The following TUBGCP3 variants were observed in gnomAD, a reference collection of about 807,000 sequenced individuals.
TUBGCP3 encodes the protein gamma-tubulin complex component 3.
TUBGCP3 carries 50 observed loss-of-function variants against 123.1 expected under a neutral mutation model. That is an observed-to-expected ratio of 0.41 (90% confidence interval 0.32 to 0.51). The LOEUF is 0.51. Among genes scored for constraint, TUBGCP3 ranks in the 20% least tolerant of loss-of-function variants. TUBGCP3 has a pLI of 0.36. For synonymous variants in TUBGCP3, 405 were observed against 413.9 expected, an observed-to-expected ratio of 0.98 and a Z score of 0.26; for missense variants, 882 against 1,127.0, an observed-to-expected ratio of 0.78 and a Z score of 3.11.
chr13:112,505,128 T>C (rs1881204988), intron 17 of TUBGCP3, among the ~76,000 whole-genome samples: 1 of 152,202 alleles, frequency 6.6e-6, no homozygotes. Flanking sequence ...GTGACATTTC[T>C]TTAAGGAACC....
intron 11 of TUBGCP3, among the ~76,000 whole-genome samples, chr13:112,533,726 A>G (rs1168178577): frequency 1.3e-5 from 2 of 150,210 alleles, no homozygotes; most frequent in African/African-American, 2.5e-5. Flanking sequence ...ATAAGCCCGC[A>G]TATTACCACA....
upstream of TUBGCP3, among the ~76,000 whole-genome samples, chr13:112,589,014 G>C (rs866399543): frequency 4.6e-5 from 7 of 152,198 alleles, no homozygotes; most frequent in African/African-American, 1.7e-4. Context: ...CAGACTTGTA[G>C]GGTATTACAG....
At chr13:112,534,721 C>A (rs1281299855) in intron 11 of TUBGCP3, among the ~76,000 whole-genome samples, 1 of 152,156 alleles carries the variant, frequency 6.6e-6, no homozygotes, top group Non-Finnish European at 1.5e-5. Flanking sequence ...CAGGAGCTAC[C>A]GTAGCCGGCA....
intron 20 of TUBGCP3, among the ~76,000 whole-genome samples, chr13:112,496,123 TA>T (rs1421825495): frequency 6.6e-6 from 1 of 152,228 alleles, no homozygotes; most frequent in African/African-American, 2.4e-5. Flanking sequence ...GGCAAATAAT[TA>T]AGTACGATCA....
rs1342309511 is a variant in TUBGCP3, at chr13:112,516,476, G to A, written c.2050C>T (p.His684Tyr). ...EYILTDIRKG[H>Y]MCNAKLLRNM... ...CTCAGGAGCTTTGCATTGCACATGT[G>A]TCCCTTCCGTATGTCAGTGAGGATG... Residue 684 changes from histidine (H) to tyrosine (Y), a missense_variant, in exon 17 of 22, where the codon CAC becomes TAC. Physicochemically the swap from His to Tyr is moderately conservative, Grantham distance 83. Transcript: ENST00000261965. The A allele has an allele frequency of 7.4e-6, 12 of 1,612,432 alleles. No homozygotes were observed. The highest frequency in any genetic ancestry group is 1.0e-5 in the Non-Finnish European group (12 of 1,179,458).
At chr13:112,593,696 G>T in the TUBGCP3 span, among the ~76,000 whole-genome samples, 1 of 151,900 alleles carries the variant, frequency 6.6e-6, no homozygotes, top group Non-Finnish European at 1.5e-5. Context: ...AAAAAGATCC[G>T]AATGGCAAAC....
At chr13:112,555,926 A>G (rs970949778) in intron 6 of TUBGCP3, 126 bp downstream of exon 6, 3 of 1,129,410 alleles carry the variant, frequency 2.7e-6, no homozygotes, top group South Asian at 1.9e-5. Flanking sequence ...TCTGGACTTC[A>G]TCATAAGAAC....
At chr13:112,560,394 C>G (rs1880413872) in intron 3 of TUBGCP3, among the ~76,000 whole-genome samples, 1 of 150,686 alleles carries the variant, frequency 6.6e-6, no homozygotes, top group Non-Finnish European at 1.5e-5. Context: ...CCCGCCACTG[C>G]ACTCCAGCCT....
the TUBGCP3 span, among the ~76,000 whole-genome samples, chr13:112,597,385 G>C: frequency 3.9e-5 from 6 of 152,176 alleles, no homozygotes; most frequent in African/African-American, 1.4e-4. Flanking sequence ...CCCCATTAGA[G>C]AAATAAAACT....
intron 1 of TUBGCP3, among the ~76,000 whole-genome samples, chr13:112,582,074 A>C (rs896567145): frequency 1.3e-5 from 2 of 152,234 alleles, no homozygotes; most frequent in Non-Finnish European, 2.9e-5. Flanking sequence ...TCTGTGCTTC[A>C]GAGGGAAAAG....
At chr13:112,486,673 C>T (rs986728853) in intron 21 of TUBGCP3, among the ~76,000 whole-genome samples, 1 of 152,212 alleles carries the variant, frequency 6.6e-6, no homozygotes, top group African/African-American at 2.4e-5. Flanking sequence ...CGCCATCATC[C>T]TGTTACTGAG....
rs749883497 is a variant in TUBGCP3, at chr13:112,519,483, T to A, written c.1881+403A>T. Among the ~76,000 whole-genome samples the A allele has an allele frequency of 6.6e-5, 10 of 152,334 alleles. No individual in the cohort carries two copies. The highest frequency in any genetic ancestry group is 2.6e-4 in the Admixed American group (4 of 15,304). The stretch of plus-strand genomic sequence containing the variant: ...TAAGAAAAGTCATGTCCTACCAAAC[T>A]GCAACTAAAAGCATCCATTTTCTGA... On this transcript the variant is annotated intron_variant, in intron 15 of 21. Transcript: ENST00000261965. This position sits in a 1 kb window ranked among gnomAD's most constrained non-coding sequence, Gnocchi z 6.2.
chr13:112,547,024 CAA>C (rs1404669198), intron 10 of TUBGCP3: 1 of 159,416 alleles, frequency 6.3e-6, no homozygotes, highest in African/African-American at 2.4e-5. Context: ...AGGGAGAAGG[CAA>C]AGAGGTTCTT....
chr13:112,601,058 T>G, the TUBGCP3 span, among the ~76,000 whole-genome samples: 1 of 151,678 alleles, frequency 6.6e-6, no homozygotes, highest in Admixed American at 6.6e-5. Flanking sequence ...CGCAGTAGCG[T>G]TTGCCTGTAA....
chr13:112,569,284 G>A (rs1230632721), intron 1 of TUBGCP3, 25 bp from the exon 2 acceptor site: 1 of 1,611,090 alleles, frequency 6.2e-7, no homozygotes, highest in Non-Finnish European at 8.5e-7. Context: ...AAAGGATGCG[G>A]ATTGTTACCA....
chr13:112,518,476 A>G (rs532290552), intron 16 of TUBGCP3, among the ~76,000 whole-genome samples: 1 of 152,372 alleles, frequency 6.6e-6, no homozygotes, highest in East Asian at 1.9e-4. Context: ...TTAATTGCAG[A>G]CATGTAAAAA....
At chr13:112,568,120 G>A (rs1393673367) in intron 2 of TUBGCP3, among the ~76,000 whole-genome samples, 1,510 of 67,006 alleles carry the variant, frequency 0.023, no homozygotes, top group Middle Eastern at 0.043. Flanking sequence ...ATGGACTTCT[G>A]GAAGGTGTTA....
chr13:112,526,824 T>A, intron 13 of TUBGCP3, 118 bp downstream of exon 13: 4 of 741,104 alleles, frequency 5.4e-6, no homozygotes, highest in Non-Finnish European at 9.1e-6. Context: ...ATCCCCATCA[T>A]CACACCATCA....
chr13:112,503,283 C>T lies in TUBGCP3; in HGVS notation c.2307+749G>A, dbSNP rs550724103. ...CTCCAGGAAGATTTGCCACATGGAA[C>T]GTGCAACTTTCAGAACATGGACCCT... On this transcript the variant is annotated intron_variant, in intron 19 of 21. Coordinates refer to ENST00000261965, the MANE Select transcript of TUBGCP3 (RefSeq NM_006322.6). 2.0e-5 allele frequency among the ~76,000 whole-genome samples: 3 copies of T among 152,200 alleles called. No homozygotes were observed. The East Asian group carries it at 5.8e-4, about 29-fold the overall frequency.
Sources: allele counts gnomAD v4.1 joint callset (sites outside exome capture counted in the v4.1 genomes callset), GRCh38; gene constraint gnomAD v4.1.1; non-coding constraint Gnocchi (gnomAD v3.1); transcripts MANE v1.5; gene names NCBI Gene and HGNC (gene_info 2026-07-23, HGNC 2026-07-21).